Variants in SYNPO observed in about 807,000 individuals in gnomAD.
SYNPO encodes the protein synaptopodin.
A neutral mutation model predicts 49.5 loss-of-function variants in SYNPO; 19 were observed. The observed-to-expected ratio is 0.38, with a 90% confidence interval of 0.27 to 0.56. SYNPO has a LOEUF of 0.56. SYNPO is among the 20% of genes least tolerant of loss of function. The pLI, the probability that SYNPO is intolerant of heterozygous loss-of-function variation, is 0.68. For missense variants in SYNPO, 1,131 were observed against 1,248.3 expected (o/e 0.91, Z 1.42); for synonymous variants, 536 against 548.0 (o/e 0.98, Z 0.31).
At chr5:150,645,861 A>C (rs1195540075) in intron 1 of SYNPO, among the ~76,000 whole-genome samples, 1 of 152,242 alleles carries the variant, frequency 6.6e-6, no homozygotes, top group East Asian at 1.9e-4. Flanking sequence ...GTTCTACAGT[A>C]GTCATTGGTG....
intron 1 of SYNPO, among the ~76,000 whole-genome samples, chr5:150,610,888 G>T (rs1756827540): frequency 6.6e-6 from 1 of 152,192 alleles, no homozygotes; most frequent in Non-Finnish European, 1.5e-5. Context: ...GGAATAGGAA[G>T]GTTCTAAAAT....
chr5:150,616,540 A>G (rs1756987981), intron 1 of SYNPO, among the ~76,000 whole-genome samples: 1 of 152,152 alleles, frequency 6.6e-6, no homozygotes, highest in South Asian at 2.1e-4. Flanking sequence ...CTTTGCCTCC[A>G]CAAATGATTT....
chr5:150,637,397 G>A (rs765829460), upstream of SYNPO, among the ~76,000 whole-genome samples: 7 of 152,194 alleles, frequency 4.6e-5, no homozygotes, highest in Non-Finnish European at 1.0e-4. Context: ...AAAACAACAT[G>A]ATGAAAAATG....
the SYNPO span, among the ~76,000 whole-genome samples, chr5:150,586,605 G>A: frequency 6.6e-6 from 1 of 152,028 alleles, no homozygotes; most frequent in Non-Finnish European, 1.5e-5. Flanking sequence ...TGGATGGATG[G>A]ATGGATGATG....
chr5:150,597,072 C>T (rs946868331), upstream of SYNPO, among the ~76,000 whole-genome samples: 2 of 152,220 alleles, frequency 1.3e-5, no homozygotes, highest in African/African-American at 4.8e-5. Context: ...GACAATCCTG[C>T]TGTCTTCCTG....
chr5:150,634,817 C>A (rs546845083), intron 2 of SYNPO, among the ~76,000 whole-genome samples: 2 of 140,418 alleles, frequency 1.4e-5, no homozygotes, highest in African/African-American at 5.5e-5. Context: ...CAGAGTGAGA[C>A]CCTGTCTAAA....
Position 150,648,928 on chromosome 5 carries a change from C to T in SYNPO, c.653C>T (p.Pro218Leu). ...TCTGGGCGAGCAGCTGCCACCACGC[C>T]CACCAAGGTCTACAGTGAGGTCCAC... ...EMSGRAAATT[P>L]TKVYSEVHFT... Residue 218 changes from proline to leucine, a missense_variant, in exon 2 of 3, where the codon CCC becomes CTC. Coordinates refer to ENST00000307662, the MANE Select transcript of SYNPO (RefSeq NM_007286.6). The surrounding 1 kb of genome is among the most constrained non-coding windows in gnomAD (Gnocchi z 5.0). The T allele has an allele frequency of 6.2e-7, 1 of 1,614,242 alleles. No homozygotes were observed. The highest frequency in any genetic ancestry group is 2.2e-5 in the East Asian group (1 of 44,888).
chr5:150,605,182 G>A (rs1008324179), intron 1 of SYNPO, among the ~76,000 whole-genome samples: 2 of 152,150 alleles, frequency 1.3e-5, no homozygotes, highest in Non-Finnish European at 2.9e-5. Context: ...TTCCAAGTTG[G>A]GACCACGGCC....
At chr5:150,642,279 C>G (rs1418814218) in intron 1 of SYNPO, among the ~76,000 whole-genome samples, 1 of 152,180 alleles carries the variant, frequency 6.6e-6, no homozygotes, top group African/African-American at 2.4e-5. Flanking sequence ...GTCTCCTGAC[C>G]CCAGGCAGCT....
chr5:150,611,058 A>G (rs968210835), intron 1 of SYNPO, among the ~76,000 whole-genome samples: 2 of 152,240 alleles, frequency 1.3e-5, no homozygotes, highest in African/African-American at 2.4e-5. Context: ...TGCATATGCT[A>G]TACAAAACAC....
At chr5:150,633,159 C>T (rs947506875) in intron 2 of SYNPO, among the ~76,000 whole-genome samples, 4 of 152,212 alleles carry the variant, frequency 2.6e-5, no homozygotes, top group Non-Finnish European at 5.9e-5. Flanking sequence ...AACAGGGTTC[C>T]TGCCTTCCAG....
intron 2 of SYNPO, among the ~76,000 whole-genome samples, chr5:150,630,930 T>C (rs1757515766): frequency 6.6e-6 from 1 of 152,022 alleles, no homozygotes; most frequent in Admixed American, 6.5e-5. Flanking sequence ...ATTTCTTCTC[T>C]CATTTAGACC....
In SYNPO at chr5:150,656,526, C is replaced by T; in HGVS notation, c.2151C>T (p.Ser717=). 1 of 1,529,192 alleles carries T rather than the reference C, an allele frequency of 6.5e-7. No homozygotes were observed. The highest frequency in any genetic ancestry group is 2.5e-5 in the East Asian group (1 of 40,244). 94.7% of individuals were successfully genotyped at this position (1,529,192 alleles called of 1,614,324 possible). A position where few individuals can be genotyped will look rare whatever the true frequency, so the allele number is the denominator to read the frequency against. Residue 717 remains serine, a synonymous_variant, in exon 3 of 3, where the codon AGC becomes AGT. Coordinates refer to ENST00000307662, the MANE Select transcript of SYNPO (RefSeq NM_007286.6). ...PWEPGRGSSM[S]SPPPLPPPPP... ...AGCCAGGTCGCGGGAGCAGCATGAG[C>T]AGCCCCCCGCCGCTGCCGCCGCCAC...
Position 150,656,804 on chromosome 5 carries a change from C to G in SYNPO, c.2429C>G (p.Pro810Arg). Residue 810 changes from proline (P) to arginine (R), a missense_variant, in exon 3 of 3, where the codon CCC becomes CGC. Around this residue, in one of 4 missense-constraint regions of SYNPO, gnomAD observed 509 missense variants for 484.5 expected, o/e 1.05. Coordinates refer to ENST00000307662, the MANE Select transcript of SYNPO (RefSeq NM_007286.6). ...ATGCGCTCGCCACAGCCCGCCCGCC[C>G]CGGCTCGGCTGCTGTGCCGGGGGCA... ...PRMRSPQPAR[P>R]GSAAVPGAAF... The G allele has an allele frequency of 6.8e-7, 1 of 1,465,316 alleles. No homozygotes were observed. The highest frequency in any genetic ancestry group is 1.5e-5 in the African/African-American group (1 of 67,652). The allele number at this position is 1,465,316 out of a possible 1,614,324, so 90.8% of individuals were successfully genotyped here. A position where few individuals can be genotyped will look rare whatever the true frequency, so the allele number is the denominator to read the frequency against.
Position 150,656,654 on chromosome 5 carries a change from ACAT to A in SYNPO, c.2285_2287del (p.Ile762del). ...CAGCTGCAGGCGCTTCTGGCGCGAA[ACAT>A]CATCAATGCGGCCCGGCGCAAGAGC... On this transcript the variant is annotated inframe_deletion, in exon 3 of 3. Coordinates refer to ENST00000307662, the MANE Select transcript of SYNPO (RefSeq NM_007286.6). The A allele has an allele frequency of 1.3e-6, 2 of 1,506,092 alleles. No homozygotes were observed. The highest frequency in any genetic ancestry group is 8.8e-7 in the Non-Finnish European group (1 of 1,135,492). The allele number at this position is 1,506,092 out of a possible 1,614,324, so 93.3% of individuals were successfully genotyped here.
At chr5:150,609,796 C>A (rs867909279) in intron 1 of SYNPO, among the ~76,000 whole-genome samples, 2 of 131,146 alleles carry the variant, frequency 1.5e-5, no homozygotes, top group East Asian at 2.3e-4. Flanking sequence ...CGGGGGGGGG[C>A]AGTGTGGAGC....
chr5:150,647,354 T>C (rs1758141450), intron 1 of SYNPO, among the ~76,000 whole-genome samples: 1 of 151,662 alleles, frequency 6.6e-6, no homozygotes, highest in African/African-American at 2.4e-5. Context: ...ACTTGGTGAA[T>C]GCTATGGAGA....
intron 2 of SYNPO, among the ~76,000 whole-genome samples, chr5:150,621,144 G>T (rs1581469133): frequency 6.6e-6 from 1 of 151,896 alleles, no homozygotes; most frequent in East Asian, 1.9e-4. Context: ...GTAGAGATGG[G>T]ATTTCACCAT....
At chr5:150,626,179 T>TG (rs1232503685) in intron 2 of SYNPO, among the ~76,000 whole-genome samples, 1 of 152,160 alleles carries the variant, frequency 6.6e-6, no homozygotes, top group East Asian at 1.9e-4. Flanking sequence ...CATTCCATGT[T>TG]GGGGGGCACA....
Sources: allele counts gnomAD v4.1 joint callset (sites outside exome capture counted in the v4.1 genomes callset), GRCh38; gene constraint gnomAD v4.1.1; regional missense constraint gnomAD v4.1.1; non-coding constraint Gnocchi (gnomAD v3.1); transcripts MANE v1.5; gene names NCBI Gene and HGNC (gene_info 2026-07-23, HGNC 2026-07-21).